The following FAT3 variants were observed in gnomAD, a reference collection of about 807,000 sequenced individuals.
FAT3 encodes FAT atypical cadherin 3.
In FAT3, 95 loss-of-function variants were observed where a neutral mutation model predicts 310.2. The observed-to-expected ratio is 0.31, with a 90% CI of 0.26 to 0.36. The LOEUF is 0.36. Among genes scored for constraint, FAT3 ranks in the 10% least tolerant of loss-of-function variants. FAT3 has a pLI of 1.00. For missense variants in FAT3, 5,408 were observed against 5,715.6 expected, an observed-to-expected ratio of 0.95 and a Z score of 1.74; for synonymous variants, 2,314 against 2,192.9, an observed-to-expected ratio of 1.06 and a Z score of -1.54.
chr11:92,615,637 C>T (rs566009674), intron 3 of FAT3, among the ~76,000 whole-genome samples: 1 of 152,212 alleles, frequency 6.6e-6, no homozygotes, highest in South Asian at 2.1e-4. Flanking sequence ...TCCCTCTATG[C>T]ACTGCTTTAA....
chr11:92,775,868 A>C (rs1946585084), intron 7 of FAT3, among the ~76,000 whole-genome samples: 1 of 152,214 alleles, frequency 6.6e-6, no homozygotes, highest in Non-Finnish European at 1.5e-5. Flanking sequence ...CACCCTATCG[A>C]AAATCATACT....
chr11:92,810,863 G>A (rs1947650721), intron 13 of FAT3, among the ~76,000 whole-genome samples: 1 of 152,150 alleles, frequency 6.6e-6, no homozygotes, highest in Admixed American at 6.5e-5. Flanking sequence ...TTTAAGAGCT[G>A]TAAATCAGAG....
intron 3 of FAT3, among the ~76,000 whole-genome samples, chr11:92,558,591 A>G (rs959664157): frequency 1.4e-4 from 22 of 152,202 alleles, no homozygotes; most frequent in African/African-American, 5.3e-4. Context: ...TCTGGTTATC[A>G]TACTACTCAG....
chr11:92,888,928 A>C (rs1202710468), intron 25 of FAT3, among the ~76,000 whole-genome samples: 2 of 152,186 alleles, frequency 1.3e-5, no homozygotes, highest in Non-Finnish European at 2.9e-5. Flanking sequence ...ATGACTCAGC[A>C]ATCATGACCT....
chr11:92,729,387 G>A (rs1433898130), intron 4 of FAT3, among the ~76,000 whole-genome samples: 2 of 151,608 alleles, frequency 1.3e-5, no homozygotes, highest in African/African-American at 4.9e-5. Flanking sequence ...GGAAAACCCA[G>A]TCATCACACT....
At chr11:92,255,759 G>A (rs942638775) in intron 1 of FAT3, among the ~76,000 whole-genome samples, 3 of 152,106 alleles carry the variant, frequency 2.0e-5, no homozygotes, top group Non-Finnish European at 4.4e-5. Flanking sequence ...AGAGTCTGGC[G>A]CAAGTGCTCA....
At chr11:92,398,428 T>C (rs1179935057) in intron 2 of FAT3, among the ~76,000 whole-genome samples, 2 of 142,192 alleles carry the variant, frequency 1.4e-5, no homozygotes, top group Non-Finnish European at 3.0e-5. Flanking sequence ...TTGAACCTGG[T>C]AGGCGGAGGT....
intron 2 of FAT3, among the ~76,000 whole-genome samples, chr11:92,392,317 T>C (rs1340999261): frequency 1.3e-5 from 2 of 152,146 alleles, no homozygotes; most frequent in Admixed American, 6.6e-5. Flanking sequence ...AATTATTGAG[T>C]GCTAATATCT....
chr11:92,328,715 T>C (rs1241154060), intron 1 of FAT3, among the ~76,000 whole-genome samples: 1 of 152,230 alleles, frequency 6.6e-6, no homozygotes, highest in Non-Finnish European at 1.5e-5. Context: ...AAGTTAGATG[T>C]AATTCAAATC....
intron 3 of FAT3, among the ~76,000 whole-genome samples, chr11:92,559,029 A>G (rs1955123653): frequency 6.6e-6 from 1 of 152,194 alleles, no homozygotes; most frequent in South Asian, 2.1e-4. Context: ...CACAACAACC[A>G]ATAAGGTTGC....
At chr11:92,635,843 A>G (rs2135714545) in intron 3 of FAT3, among the ~76,000 whole-genome samples, 1 of 152,390 alleles carries the variant, frequency 6.6e-6, no homozygotes, top group African/African-American at 2.4e-5. Context: ...TATTTCAATA[A>G]GAAGTAGCCA....
At chr11:92,828,786 A>C (rs1591788053) in intron 13 of FAT3, among the ~76,000 whole-genome samples, 1 of 152,184 alleles carries the variant, frequency 6.6e-6, no homozygotes, top group South Asian at 2.1e-4. Flanking sequence ...TCAGCTGAGC[A>C]GGAAGCTTGG....
intron 2 of FAT3, among the ~76,000 whole-genome samples, chr11:92,359,387 C>T (rs1948819014): frequency 6.6e-6 from 1 of 152,106 alleles, no homozygotes; most frequent in Non-Finnish European, 1.5e-5. Flanking sequence ...AAATCTATTT[C>T]TATGCTTCAG....
At chr11:92,255,652 G>A (rs1031071026) in intron 1 of FAT3, among the ~76,000 whole-genome samples, 5 of 152,104 alleles carry the variant, frequency 3.3e-5, no homozygotes, top group Admixed American at 1.3e-4. Flanking sequence ...CAGCTGCTGT[G>A]ATGTTGGAAT....
At chr11:92,859,036 A>T in intron 20 of FAT3, 129 bp from the exon 21 acceptor site, 1 of 742,056 alleles carries the variant, frequency 1.3e-6, no homozygotes. Context: ...ATTTCTCCTC[A>T]TTGCCTTCAT....
intron 10 of FAT3, 41 bp downstream of exon 10, chr11:92,801,950 A>G: frequency 1.9e-6 from 3 of 1,548,194 alleles, no homozygotes; most frequent in South Asian, 2.4e-5. Flanking sequence ...GCACTGCTTT[A>G]TAAAGAAAGA....
intron 2 of FAT3, among the ~76,000 whole-genome samples, chr11:92,504,801 CG>C (rs977596676): frequency 3.3e-5 from 5 of 151,912 alleles, no homozygotes; most frequent in African/African-American, 1.2e-4. Flanking sequence ...GGACAGAAGA[CG>C]AATAAGACAT....
chr11:92,440,456 G>A (rs1951041321), intron 2 of FAT3, among the ~76,000 whole-genome samples: 1 of 152,152 alleles, frequency 6.6e-6, no homozygotes, highest in African/African-American at 2.4e-5. Context: ...CTACCTCTAG[G>A]AGCATTACTG....
At chr11:92,578,329 G>A (rs1238422303) in intron 3 of FAT3, among the ~76,000 whole-genome samples, 1 of 152,046 alleles carries the variant, frequency 6.6e-6, no homozygotes, top group Non-Finnish European at 1.5e-5. Context: ...AGGGTCTTGA[G>A]GGTGGTTTGC....
Sources: allele counts gnomAD v4.1 joint callset (sites outside exome capture counted in the v4.1 genomes callset), GRCh38; gene constraint gnomAD v4.1.1; transcripts MANE v1.5; gene names NCBI Gene and HGNC (gene_info 2026-07-23, HGNC 2026-07-21).